Variants in ABCB4 observed in about 807,000 individuals in gnomAD.
The protein encoded by ABCB4 is ATP binding cassette subfamily B member 4, also known as phosphatidylcholine translocator ABCB4.
Under a neutral mutation model 145.7 loss-of-function variants are expected in ABCB4, and 76 were observed. The observed-to-expected ratio is 0.52, with a 90% CI of 0.43 to 0.63. ABCB4 has a LOEUF of 0.63. ABCB4 is among the 30% of genes least tolerant of loss of function. The pLI is 0.00. For missense variants in ABCB4, 1,234 were observed against 1,553.1 expected, an observed-to-expected ratio of 0.79 and a Z score of 3.45; for synonymous variants, 517 against 566.8, an observed-to-expected ratio of 0.91 and a Z score of 1.25.
chr7:87,429,050 C>A (rs1810026015), intron 15 of ABCB4, among the ~76,000 whole-genome samples: 1 of 152,118 alleles, frequency 6.6e-6, no homozygotes, highest in Non-Finnish European at 1.5e-5. Flanking sequence ...AGAAACAATA[C>A]CAAAACAAGG....
At chr7:87,440,472 A>G (rs1197658427) in intron 12 of ABCB4, 70 bp from the exon 13 acceptor site, 1 of 1,307,174 alleles carries the variant, frequency 7.7e-7, no homozygotes. Context: ...ACCATTCATG[A>G]AAAACATCCT....
At position 87,437,481 on chromosome 7, in the gene ABCB4, T is replaced by C. The variant is rs1481958337; in HGVS notation, c.1731+2186A>G. 2.6e-5 allele frequency among the ~76,000 whole-genome samples: 4 copies of C among 152,150 alleles called. No individual in the cohort carries two copies. The East Asian group carries it at 7.7e-4, about 29-fold the overall frequency. On this transcript the variant is annotated intron_variant, in intron 14 of 27. Coordinates refer to ENST00000649586, the MANE Select transcript of ABCB4 (RefSeq NM_000443.4). The stretch of plus-strand genomic sequence containing the variant: ...TTTTAAGCGTGGACTCAAGATAGTT[T>C]CTTACATAGCAATAGGTAACCAATT...
At chr7:87,371,994 AAAAAAAAAAAAAC>A in the ABCB4 span, among the ~76,000 whole-genome samples, 7 of 102,392 alleles carry the variant, frequency 6.8e-5, 1 homozygote, top group South Asian at 3.5e-4. Flanking sequence ...ACGCTGTCTC[AAAAAAAAAAAAAC>A]AAAAAAAAAA....
At chr7:87,408,741 TAC>T (rs1808395698) in intron 24 of ABCB4, among the ~76,000 whole-genome samples, 1 of 152,218 alleles carries the variant, frequency 6.6e-6, no homozygotes, top group African/African-American at 2.4e-5. Flanking sequence ...CCTCTTTACC[TAC>T]ACAGCTGCTT....
chr7:87,466,344 A>C (rs977719021), intron 3 of ABCB4, among the ~76,000 whole-genome samples: 1 of 152,214 alleles, frequency 6.6e-6, no homozygotes, highest in Non-Finnish European at 1.5e-5. Flanking sequence ...AGAGGAGTTT[A>C]GAGAAAAAAG....
intron 15 of ABCB4, 68 bp from the exon 16 acceptor site, chr7:87,426,988 T>A: frequency 7.3e-7 from 1 of 1,374,376 alleles, no homozygotes; most frequent in Non-Finnish European, 1.0e-6. Context: ...TGTCTCCAAA[T>A]GGATGTAACC....
At chr7:87,377,588 A>G in the ABCB4 span, 3 of 577,492 alleles carry the variant, frequency 5.2e-6, no homozygotes, top group East Asian at 5.8e-5. Context: ...AAGTTTAGTT[A>G]TGAATTCTCA....
At chr7:87,398,689 TGAGTGCTGG>T, downstream of ABCB4, 1 of 1,586,600 alleles carries the variant, frequency 6.3e-7, no homozygotes, top group Non-Finnish European at 8.6e-7. Flanking sequence ...ATCATTAAAC[TGAGTGCTGG>T]GAGTGAGTTG....
chr7:87,377,680 A>G, the ABCB4 span, among the ~76,000 whole-genome samples: 1 of 152,206 alleles, frequency 6.6e-6, no homozygotes, highest in Admixed American at 6.5e-5. Context: ...TGGGATTTGC[A>G]TATAATATTT....
chr7:87,475,409 G>A lies in ABCB4; in HGVS notation c.57C>T (p.Gly19=), dbSNP rs1813734620. 3 of 1,614,212 alleles carry A rather than the reference G, an allele frequency of 1.9e-6. No homozygotes were observed. The highest frequency in any genetic ancestry group is 2.2e-5 in the East Asian group (1 of 44,876). ...ACCTGCTGATGCCCAGTTCAAAGTC[G>A]CCCTCCGCGCTCGTGGGGCGCCAGG... The part of the protein sequence containing the change: ...GTAWRPTSAE[G]DFELGISSKQ... The change falls in exon 2 of 28, where the codon GGC becomes GGT. Residue 19 remains glycine (G), a synonymous_variant. Transcript: ENST00000649586.
chr7:87,401,999 CTA>C lies in ABCB4; in HGVS notation c.*95_*96del. ...TTGATCTAGAATGAGACAGACATAC[CTA>C]TGTTTTATGATGACAAACCAGAAAC... On this transcript the variant is annotated 3_prime_UTR_variant, in exon 28 of 28. Coordinates refer to ENST00000649586, the MANE Select transcript of ABCB4 (RefSeq NM_000443.4). 6.7e-7 allele frequency: 1 copy of C among 1,486,230 alleles called. No homozygotes were observed. 92.1% of individuals were successfully genotyped at this position (1,486,230 alleles called of 1,614,324 possible).
At chr7:87,367,895 C>G in the ABCB4 span, among the ~76,000 whole-genome samples, 1 of 152,210 alleles carries the variant, frequency 6.6e-6, no homozygotes, top group African/African-American at 2.4e-5. Flanking sequence ...CACCTCCTAA[C>G]TTGGCATACC....
chr7:87,398,006 G>A (rs2116254181), downstream of ABCB4, among the ~76,000 whole-genome samples: 1 of 151,906 alleles, frequency 6.6e-6, no homozygotes, highest in African/African-American at 2.4e-5. Flanking sequence ...CTTATTAGGA[G>A]TATCTCGAGA....
the ABCB4 span, chr7:87,392,504 AT>A: frequency 1.5e-6 from 2 of 1,328,188 alleles, no homozygotes; most frequent in Non-Finnish European, 2.1e-6. Flanking sequence ...TGAGCTTAGG[AT>A]TTTTTTCTAG....
At chr7:87,370,334 C>T in the ABCB4 span, among the ~76,000 whole-genome samples, 1 of 152,090 alleles carries the variant, frequency 6.6e-6, no homozygotes, top group East Asian at 1.9e-4. Flanking sequence ...AGGTGCGCAC[C>T]ACCATGGCCA....
intron 7 of ABCB4, 53 bp from the exon 8 acceptor site, chr7:87,450,145 G>T: frequency 6.2e-7 from 1 of 1,608,854 alleles, no homozygotes; most frequent in Non-Finnish European, 8.5e-7. Flanking sequence ...AAGTTTAAAG[G>T]CACTCTGGTC....
the ABCB4 span, among the ~76,000 whole-genome samples, chr7:87,388,547 C>T: frequency 0.86 from 131,629 of 152,200 alleles, 57,099 homozygotes; most frequent in Middle Eastern, 0.94. Flanking sequence ...ATTTAATAAA[C>T]GATGTTGGGA....
intron 7 of ABCB4, among the ~76,000 whole-genome samples, chr7:87,450,296 C>T (rs1189269243): frequency 6.6e-6 from 1 of 152,124 alleles, no homozygotes; most frequent in African/African-American, 2.4e-5. Flanking sequence ...GTGATAGGCT[C>T]CCCAAGAGTA....
chr7:87,474,979 T>C (rs1813695288), intron 2 of ABCB4, among the ~76,000 whole-genome samples: 1 of 152,180 alleles, frequency 6.6e-6, no homozygotes, highest in African/African-American at 2.4e-5. Context: ...TCACTGCCCT[T>C]GTTCAAAAAG....
Sources: gnomAD v4.1 joint callset for allele counts (sites outside exome capture counted in the v4.1 genomes callset) on GRCh38, gnomAD v4.1.1 for gene constraint, MANE v1.5 for transcripts, NCBI Gene and HGNC (gene_info 2026-07-23, HGNC 2026-07-21) for gene names.